The following CDK13 variants were observed in gnomAD, a reference collection of about 807,000 sequenced individuals.
CDK13 encodes the protein cyclin-dependent kinase 13.
CDK13 carries 40 observed loss-of-function variants against 137.6 expected under a neutral mutation model. The ratio of observed to expected loss-of-function variants is 0.29; its 90% CI spans 0.23 to 0.38. CDK13 has a LOEUF of 0.38. Ranked by LOEUF, CDK13 falls within the 10% of genes least tolerant of loss-of-function variation. The probability of loss-of-function intolerance (pLI) is 1.00; values close to 1 mark genes in which losing one functional copy is unlikely to be tolerated. For synonymous variants in CDK13, 869 were observed against 760.1 expected, an observed-to-expected ratio of 1.14 and a Z score of -2.36; for missense variants, 1,704 against 1,951.8, an observed-to-expected ratio of 0.87 and a Z score of 2.39.
chr7:40,011,146 A>G (rs1784885862), intron 5 of CDK13, among the ~76,000 whole-genome samples: 1 of 152,226 alleles, frequency 6.6e-6, no homozygotes, highest in Non-Finnish European at 1.5e-5. Context: ...TGATTCTGAG[A>G]TTCATATGCA....
intron 1 of CDK13, among the ~76,000 whole-genome samples, chr7:39,972,033 A>G (rs1380138454): frequency 6.6e-6 from 1 of 152,222 alleles, no homozygotes; most frequent in East Asian, 1.9e-4. Flanking sequence ...TGTGCATGTC[A>G]AGTACTGAGC....
intron 7 of CDK13, chr7:40,048,808 C>T (rs1244315305): frequency 6.6e-6 from 1 of 151,414 alleles, no homozygotes; most frequent in Non-Finnish European, 1.5e-5. Flanking sequence ...GCGCCTGTGA[C>T]ATAATTCTGG....
At chr7:40,093,274 A>C in intron 13 of CDK13, 37 bp downstream of exon 13, 1 of 1,488,698 alleles carries the variant, frequency 6.7e-7, no homozygotes. Flanking sequence ...ACACAGCTGC[A>C]TTACATTGTC....
intron 11 of CDK13, among the ~76,000 whole-genome samples, chr7:40,084,017 T>C (rs970216466): frequency 3.3e-5 from 5 of 152,128 alleles, no homozygotes; most frequent in African/African-American, 1.2e-4. Context: ...TTTTTAGGAA[T>C]AATCAAATGA....
rs547490393 is a variant in CDK13, at chr7:39,966,548, G to A, written c.1211+14696G>A. ...AAGGTTTTTAACTTCTTTGCCATGG[G>A]TTCGAATTTCCTCCTTTAGCTCGGA... On this transcript the variant is annotated intron_variant, in intron 1 of 13. Coordinates refer to ENST00000181839, the MANE Select transcript of CDK13 (RefSeq NM_003718.5). Among the ~76,000 whole-genome samples, 9 of 152,124 alleles carry A rather than the reference G, an allele frequency of 5.9e-5. 1 individual carries two copies. The highest frequency in any genetic ancestry group is 2.6e-4 in the Admixed American group (4 of 15,274).
rs1289657340 is a variant in CDK13 at position 40,092,978 on chromosome 7, A to G, written c.3429A>G (p.Thr1143=). ...TTTTGGCAACAGGTGAAAAACAGAC[A>G]GATCCATCAACACCACAACAGGAGT... ...AGILATGEKQ[T]DPSTPQQESS... The change falls in exon 13 of 14, where the codon ACA becomes ACG. Residue 1143 remains threonine (T), a synonymous_variant. Coordinates refer to ENST00000181839, the MANE Select transcript of CDK13 (RefSeq NM_003718.5). 1.9e-6 allele frequency: 3 copies of G among 1,614,100 alleles called. No homozygotes were observed. Among genetic ancestry groups the G allele is most frequent in the Non-Finnish European group, 1.7e-6 (2 of 1,180,048 alleles).
intron 11 of CDK13, among the ~76,000 whole-genome samples, chr7:40,080,327 A>G (rs1333469058): frequency 6.6e-6 from 1 of 152,182 alleles, no homozygotes; most frequent in East Asian, 1.9e-4. Flanking sequence ...AGCATCATTA[A>G]AAGCAAGCCT....
chr7:40,077,177 C>A (rs1296343887), intron 9 of CDK13, among the ~76,000 whole-genome samples: 1 of 152,106 alleles, frequency 6.6e-6, no homozygotes, highest in Non-Finnish European at 1.5e-5. Context: ...AATTGAAGAA[C>A]TTTAATGTTT....
At chr7:39,981,605 T>C (rs1225554076) in intron 1 of CDK13, among the ~76,000 whole-genome samples, 3 of 152,130 alleles carry the variant, frequency 2.0e-5, no homozygotes, top group Admixed American at 6.5e-5. Context: ...AAACAGTAAA[T>C]ATATTTTTGG....
At chr7:39,963,399 G>A (rs1783794311) in intron 1 of CDK13, among the ~76,000 whole-genome samples, 4 of 151,934 alleles carry the variant, frequency 2.6e-5, no homozygotes, top group African/African-American at 9.7e-5. Flanking sequence ...GTGAATGGGA[G>A]TTCACTCATG....
intron 1 of CDK13, among the ~76,000 whole-genome samples, chr7:39,965,893 A>T (rs1392111179): frequency 2.0e-5 from 3 of 152,130 alleles, no homozygotes; most frequent in Non-Finnish European, 4.4e-5. Flanking sequence ...GTTTGGCTGG[A>T]TATGAAATTC....
At chr7:40,004,605 A>G (rs867678471) in intron 5 of CDK13, among the ~76,000 whole-genome samples, 3 of 152,262 alleles carry the variant, frequency 2.0e-5, no homozygotes, top group East Asian at 1.9e-4. Context: ...GCTGTATGAC[A>G]TTACACTAAT....
chr7:39,978,564 G>C (rs1402382782), intron 1 of CDK13, among the ~76,000 whole-genome samples: 2 of 152,258 alleles, frequency 1.3e-5, no homozygotes, highest in Middle Eastern at 6.8e-3. Flanking sequence ...TTAGAGATTT[G>C]AGTAATTTAT....
In CDK13 at chr7:39,951,478, C is replaced by G. The variant is rs1787195394; in HGVS notation, c.837C>G (p.His279Gln). The change falls in exon 1 of 14, where the codon CAC (histidine) becomes CAG (glutamine). Residue 279 changes from histidine to glutamine, a missense_variant. Around this residue, in one of 5 missense-constraint regions of CDK13, gnomAD observed 1,051 missense variants for 931.0 expected, o/e 1.13. Transcript: ENST00000181839. ...GCAAGGACCGGGACTCGAAGGCCCA[C>G]CGCAGCCGGACTAAGTCGTCCAAGG... ...SSRKDRDSKAHRSRTKSSKEP... is the reference protein window; with the variant it reads ...SSRKDRDSKAQRSRTKSSKEP... 1.3e-6 allele frequency: 2 copies of G among 1,538,174 alleles called. No homozygotes were observed. The highest frequency in any genetic ancestry group is 1.2e-5 in the South Asian group (1 of 83,006).
intron 9 of CDK13, chr7:40,071,766 T>C (rs947537198): frequency 1.3e-5 from 2 of 152,218 alleles, no homozygotes; most frequent in Admixed American, 1.3e-4. Context: ...GTGGAGGATA[T>C]AAGTTTTCTA....
At chr7:40,000,900 G>A (rs1841310031) in intron 4 of CDK13, among the ~76,000 whole-genome samples, 1 of 152,082 alleles carries the variant, frequency 6.6e-6, no homozygotes, top group African/African-American at 2.4e-5. Flanking sequence ...GTGTATGTGT[G>A]TATATTTCAT....
chr7:40,006,221 C>T (rs536549781), intron 5 of CDK13, among the ~76,000 whole-genome samples: 2 of 152,134 alleles, frequency 1.3e-5, no homozygotes, highest in East Asian at 3.9e-4. Context: ...CTTTCGTGTT[C>T]CTCTAGGTAC....
intron 2 of CDK13, among the ~76,000 whole-genome samples, chr7:39,992,107 A>ACACG (rs1554325698): frequency 5.8e-5 from 7 of 121,122 alleles, no homozygotes; most frequent in African/African-American, 4.0e-4. Flanking sequence ...ACACACACGC[A>ACACG]CACACACACA....
At chr7:40,064,012 C>T (rs1242681632) in intron 9 of CDK13, among the ~76,000 whole-genome samples, 2 of 152,036 alleles carry the variant, frequency 1.3e-5, no homozygotes, top group Non-Finnish European at 2.9e-5. Flanking sequence ...TGGCCAGGCA[C>T]GGTTTCTCAC....
Sources: gnomAD v4.1 joint callset for allele counts (sites outside exome capture counted in the v4.1 genomes callset) on GRCh38, gnomAD v4.1.1 for gene constraint, gnomAD v4.1.1 regional missense constraint, MANE v1.5 for transcripts, NCBI Gene and HGNC (gene_info 2026-07-23, HGNC 2026-07-21) for gene names.